Variants in PUM1 observed in about 807,000 individuals in gnomAD.
The protein encoded by PUM1 is pumilio RNA binding family member 1, also known as pumilio homolog 1.
In PUM1, 13 loss-of-function variants were observed where a neutral mutation model predicts 131.8. The ratio of observed to expected loss-of-function variants is 0.10; its 90% CI spans 0.06 to 0.16. The LOEUF (loss-of-function observed/expected upper bound fraction) is 0.16, where lower values mean the gene tolerates loss of function less well. Among genes scored for constraint, PUM1 ranks in the 10% least tolerant of loss-of-function variants. PUM1 has a pLI of 1.00. For synonymous variants in PUM1, 509 were observed against 556.5 expected (o/e 0.91, Z 1.20); for missense variants, 961 against 1,512.4 (o/e 0.64, Z 6.05).
At chr1:31,041,026 T>C (rs1643797867) in intron 2 of PUM1, among the ~76,000 whole-genome samples, 1 of 152,072 alleles carries the variant, frequency 6.6e-6, no homozygotes, top group African/African-American at 2.4e-5. Flanking sequence ...GCAAGAAACA[T>C]GAGCCTATCA....
intron 9 of PUM1, among the ~76,000 whole-genome samples, chr1:30,975,346 T>C (rs1346400091): frequency 2.5e-5 from 3 of 122,244 alleles, no homozygotes; most frequent in African/African-American, 8.7e-5. Context: ...TGTTACTGTT[T>C]GTTTTTTTTG....
intron 3 of PUM1, among the ~76,000 whole-genome samples, chr1:31,022,117 T>C (rs1322574659): frequency 6.6e-6 from 1 of 151,632 alleles, no homozygotes; most frequent in Non-Finnish European, 1.5e-5. Context: ...ATCCCCATCT[T>C]GACACTTAAG....
At chr1:31,064,896 T>C (rs1298325871) in intron 1 of PUM1, among the ~76,000 whole-genome samples, 1 of 151,728 alleles carries the variant, frequency 6.6e-6, no homozygotes, top group African/African-American at 2.4e-5. Flanking sequence ...AAAACTAGTA[T>C]TGTGTATCTA....
At chr1:30,997,845 C>T (rs935025753) in intron 5 of PUM1, among the ~76,000 whole-genome samples, 8 of 152,152 alleles carry the variant, frequency 5.3e-5, no homozygotes, top group African/African-American at 9.7e-5. Context: ...GCAAAGATTA[C>T]CGGCATGCAC....
At chr1:30,937,300 C>T (rs1253310662) in intron 20 of PUM1, among the ~76,000 whole-genome samples, 1 of 152,170 alleles carries the variant, frequency 6.6e-6, no homozygotes, top group East Asian at 1.9e-4. Flanking sequence ...CTTTCCTCGC[C>T]TTTGTCAGTT....
intron 5 of PUM1, 142 bp downstream of exon 5, chr1:31,005,711 C>T (rs542719738): frequency 3.1e-5 from 24 of 769,776 alleles, no homozygotes; most frequent in Admixed American, 6.7e-5. Context: ...TTACAACAAA[C>T]GTTGTTTGAA....
chr1:31,052,363 T>A (rs1027306293), intron 2 of PUM1, among the ~76,000 whole-genome samples: 1 of 152,078 alleles, frequency 6.6e-6, no homozygotes, highest in Non-Finnish European at 1.5e-5. Flanking sequence ...GGAAGATGTG[T>A]CTAGTGTTTC....
At chr1:31,005,000 A>C (rs1484011245) in intron 5 of PUM1, among the ~76,000 whole-genome samples, 2 of 152,202 alleles carry the variant, frequency 1.3e-5, no homozygotes, top group Non-Finnish European at 2.9e-5. Context: ...TTTAGACAGG[A>C]GAAAGGGAGG....
At chr1:31,041,065 A>T (rs191659295) in intron 2 of PUM1, among the ~76,000 whole-genome samples, 1 of 152,212 alleles carries the variant, frequency 6.6e-6, no homozygotes, top group Non-Finnish European at 1.5e-5. Context: ...TAATCTCGGA[A>T]CTATTGTCGG....
chr1:31,024,434 T>C (rs1408908915), intron 3 of PUM1, among the ~76,000 whole-genome samples: 1 of 152,228 alleles, frequency 6.6e-6, no homozygotes, highest in East Asian at 1.9e-4. Flanking sequence ...AGGTAGGATT[T>C]GTTATCACTC....
chr1:30,957,087 TACACACACACACACAC>T (rs58044891), intron 14 of PUM1, among the ~76,000 whole-genome samples: 9 of 139,904 alleles, frequency 6.4e-5, no homozygotes, highest in African/African-American at 1.4e-4. Context: ...AGGACATTCA[TACACACACACACACAC>T]ACACACACAC....
chr1:31,063,436 T>G (rs1257809348), intron 1 of PUM1, among the ~76,000 whole-genome samples: 2 of 152,092 alleles, frequency 1.3e-5, no homozygotes, highest in Non-Finnish European at 2.9e-5. Context: ...AATGCAATCT[T>G]TTCTGAAATA....
At chr1:30,995,633 GAA>G (rs529839956) in intron 5 of PUM1, among the ~76,000 whole-genome samples, 3 of 149,124 alleles carry the variant, frequency 2.0e-5, no homozygotes, top group Admixed American at 2.0e-4. Flanking sequence ...TAATAGCATA[GAA>G]AAAAAAAATT....
chr1:31,015,854 G>A lies in PUM1; in HGVS notation c.433-8752C>T, dbSNP rs550597790. On this transcript the variant is annotated intron_variant, in intron 3 of 21. Coordinates refer to ENST00000426105, the MANE Select transcript of PUM1 (RefSeq NM_001020658.2). Reference sequence around the variant, plus strand: ...ATACCTGGCTAATTTTGTATTTTTAGTAGAGATGGGGTTTCTCCATGTTGG... The same window carrying A: ...ATACCTGGCTAATTTTGTATTTTTAATAGAGATGGGGTTTCTCCATGTTGG... Among the ~76,000 whole-genome samples, 11 of 151,528 alleles carry A rather than the reference G, an allele frequency of 7.3e-5. No homozygotes were observed. The South Asian group carries it at 2.3e-3, about 32-fold the overall frequency.
At chr1:31,036,756 C>CA (rs1643624815) in intron 2 of PUM1, 1 of 153,230 alleles carries the variant, frequency 6.5e-6, no homozygotes, top group African/African-American at 2.4e-5. Context: ...GAGCCACACT[C>CA]AGAGTACACG....
At chr1:31,008,880 T>C (rs761519916) in intron 3 of PUM1, among the ~76,000 whole-genome samples, 1 of 152,024 alleles carries the variant, frequency 6.6e-6, no homozygotes, top group African/African-American at 2.4e-5. Context: ...AAAAATGTCC[T>C]GTCCCCTGCA....
Position 30,967,258 on chromosome 1 carries a change from T to C in PUM1, c.1698A>G (p.Val566=). 1 of 1,613,986 alleles carries C rather than the reference T, an allele frequency of 6.2e-7. No homozygotes were observed. The highest frequency in any genetic ancestry group is 8.5e-7 in the Non-Finnish European group (1 of 1,179,916). The part of the protein sequence containing the change: ...AAYYDQTGAL[V]VNAGARNGLG... ...GACCATTTCTCGCGCCTGCATTCAC[T>C]ACAAGGGCACCAGTTTGGTCATAGT... Residue 566 remains valine, a synonymous_variant, in exon 12 of 22, where the codon GTA becomes GTG. Coordinates refer to ENST00000426105, the MANE Select transcript of PUM1 (RefSeq NM_001020658.2).
chr1:31,053,720 C>T (rs1449945326), intron 2 of PUM1, among the ~76,000 whole-genome samples: 1 of 152,004 alleles, frequency 6.6e-6, no homozygotes, highest in African/African-American at 2.4e-5. Context: ...AAACTATCCA[C>T]CCTCCTCAGC....
chr1:31,016,432 C>A (rs1455940814), intron 3 of PUM1, among the ~76,000 whole-genome samples: 1 of 152,214 alleles, frequency 6.6e-6, no homozygotes, highest in East Asian at 1.9e-4. Context: ...TTCACCTTCT[C>A]TTTCAGTGAA....
Sources: allele counts gnomAD v4.1 joint callset (sites outside exome capture counted in the v4.1 genomes callset), GRCh38; gene constraint gnomAD v4.1.1; transcripts MANE v1.5; gene names NCBI Gene and HGNC (gene_info 2026-07-23, HGNC 2026-07-21).